The following VASH2 variants were observed in gnomAD, a reference collection of about 807,000 sequenced individuals.
The protein encoded by VASH2 is tubulinyl-Tyr carboxypeptidase 2.
VASH2 carries 28 observed loss-of-function variants against 37.2 expected under a neutral mutation model. The observed-to-expected ratio is 0.75, with a 90% CI of 0.56 to 1.03. The LOEUF (loss-of-function observed/expected upper bound fraction) is 1.03. VASH2 is among the 50% of genes least tolerant of loss of function. The pLI is 0.00. For missense variants in VASH2, 419 were observed against 459.1 expected, an observed-to-expected ratio of 0.91 and a Z score of 0.80; for synonymous variants, 188 against 174.7, an observed-to-expected ratio of 1.08 and a Z score of -0.60.
At chr1:212,963,605 C>T (rs912499631) in intron 3 of VASH2, among the ~76,000 whole-genome samples, 8 of 141,248 alleles carry the variant, frequency 5.7e-5, no homozygotes, top group Non-Finnish European at 1.2e-4. Flanking sequence ...AGAGAGGTGC[C>T]ATGTGAGCTC....
Position 212,990,204 on chromosome 1 carries a change from T to C in VASH2, c.*1620T>C, listed in dbSNP as rs2075844101. The C allele has an allele frequency of 2.6e-5, 4 of 152,240 alleles. No homozygotes were observed. In the South Asian group the frequency reaches 8.3e-4, roughly 31 times the overall value. 9.4% of individuals were successfully genotyped at this position (152,240 alleles called of 1,614,324 possible). A position where few individuals can be genotyped will look rare whatever the true frequency, so the allele number is the denominator to read the frequency against. On this transcript the variant is annotated 3_prime_UTR_variant, in exon 8 of 8. Coordinates refer to ENST00000517399, the MANE Select transcript of VASH2 (RefSeq NM_001301056.2). ...GAAAATCAGTATTATTAATGAAAAG[T>C]ACTGTTTTCTTAAAGAAGTCGAATG... is the stretch of plus-strand genomic sequence containing the variant.
intron 7 of VASH2, among the ~76,000 whole-genome samples, chr1:212,980,476 C>T (rs925614422): frequency 2.0e-5 from 3 of 152,160 alleles, no homozygotes; most frequent in Non-Finnish European, 2.9e-5. Context: ...TCACTGATCT[C>T]TGTGGCAGTT....
At chr1:212,967,511 G>T in intron 5 of VASH2, 1 of 1,068,488 alleles carries the variant, frequency 9.4e-7, no homozygotes, top group Non-Finnish European at 1.2e-6. Context: ...GTCCTTGAGC[G>T]CTGTGCTGAG....
intron 7 of VASH2, among the ~76,000 whole-genome samples, chr1:212,984,309 A>G (rs987641469): frequency 6.6e-6 from 1 of 152,170 alleles, no homozygotes; most frequent in African/African-American, 2.4e-5. Context: ...CTCCAAAGTG[A>G]GGAATTAAGG....
rs1212364259 is a variant in VASH2 at position 212,971,323 on chromosome 1, T to A, written c.498-1257T>A. Among the ~76,000 whole-genome samples the A allele has an allele frequency of 2.0e-5, 3 of 152,202 alleles. No individual in the cohort carries two copies. Among genetic ancestry groups the A allele is most frequent in the African/African-American group, 7.2e-5 (3 of 41,444 alleles). ...TTGGGTATGCACCCAGAAGTGGAAT[T>A]GCCAGGTCCTAGGGTAATCCTGTTG... On this transcript the variant is annotated intron_variant, in intron 5 of 7. Transcript: ENST00000517399. This position sits in a 1 kb window ranked among gnomAD's most constrained non-coding sequence, Gnocchi z 4.0.
At chr1:212,959,648 C>G (rs750885397) in intron 2 of VASH2, among the ~76,000 whole-genome samples, 1 of 152,192 alleles carries the variant, frequency 6.6e-6, no homozygotes, top group Non-Finnish European at 1.5e-5. Flanking sequence ...GGAAAGACCC[C>G]GATGCCCAGG....
intron 5 of VASH2, chr1:212,968,742 G>A (rs1666920864): frequency 2.3e-5 from 23 of 985,476 alleles, no homozygotes; most frequent in Non-Finnish European, 2.8e-5. Flanking sequence ...CAGCTGTTCA[G>A]CGAAGCCTCC....
intron 2 of VASH2, 63 bp from the exon 3 acceptor site, chr1:212,961,103 C>G: frequency 6.5e-7 from 1 of 1,534,244 alleles, no homozygotes; most frequent in Admixed American, 1.7e-5. Flanking sequence ...TCTGCCTGCC[C>G]CCAGAAGCTG....
At chr1:212,978,180 TG>T (rs1667234239) in intron 7 of VASH2, among the ~76,000 whole-genome samples, 1 of 152,200 alleles carries the variant, frequency 6.6e-6, no homozygotes, top group Non-Finnish European at 1.5e-5. Flanking sequence ...GGGGCCAGAC[TG>T]GGCCTCCGGT....
chr1:212,955,078 T>C (rs780213783), intron 2 of VASH2, among the ~76,000 whole-genome samples: 3 of 152,196 alleles, frequency 2.0e-5, no homozygotes, highest in Non-Finnish European at 4.4e-5. Flanking sequence ...GTCAAGTCCT[T>C]TTCTCCATCA....
chr1:212,981,762 T>G (rs575739833), intron 7 of VASH2, among the ~76,000 whole-genome samples: 17 of 152,294 alleles, frequency 1.1e-4, no homozygotes, highest in Non-Finnish European at 2.1e-4. Flanking sequence ...GAAGAGAGAC[T>G]GGGTGGTTGA....
intron 7 of VASH2, among the ~76,000 whole-genome samples, chr1:212,985,903 G>A (rs1025245853): frequency 3.3e-5 from 5 of 152,180 alleles, no homozygotes; most frequent in Non-Finnish European, 5.9e-5. Flanking sequence ...CCATGCGTGG[G>A]TACAGGGAGG....
Position 212,951,387 on chromosome 1 carries a change from C to T in VASH2, c.-156C>T. The T allele has an allele frequency of 3.8e-6, 1 of 265,958 alleles. No homozygotes were observed. The allele number at this position is 265,958 out of a possible 1,614,324, so 16.5% of individuals were successfully genotyped here. On this transcript the variant is annotated 5_prime_UTR_variant, in exon 2 of 8. Coordinates refer to ENST00000517399, the MANE Select transcript of VASH2 (RefSeq NM_001301056.2). The surrounding 1 kb of genome is among the most constrained non-coding windows in gnomAD (Gnocchi z 4.4). ...TCCGCGGAGCTCCCGCCGCCGCTCC[C>T]CCTTGGTGAGTCCTGCCGCAGCGAG... is the stretch of plus-strand genomic sequence containing the variant.
intron 5 of VASH2, chr1:212,969,307 C>T (rs1441385566): frequency 7.2e-6 from 4 of 553,448 alleles, no homozygotes; most frequent in Admixed American, 6.4e-5. Flanking sequence ...ATTCTCCTGC[C>T]TCAGCCTCCC....
intron 7 of VASH2, among the ~76,000 whole-genome samples, chr1:212,980,770 G>A (rs1667317092): frequency 1.3e-5 from 2 of 152,192 alleles, no homozygotes; most frequent in South Asian, 4.1e-4. Context: ...AATATCCCCA[G>A]TGAGAAAAGG....
chr1:212,970,446 C>A (rs1478845793), intron 5 of VASH2, among the ~76,000 whole-genome samples: 1 of 152,170 alleles, frequency 6.6e-6, no homozygotes, highest in African/African-American at 2.4e-5. Flanking sequence ...CTCTGTCCAC[C>A]CAGAGGTTGC....
chr1:212,960,964 C>T (rs1200355342), intron 2 of VASH2, among the ~76,000 whole-genome samples: 8 of 152,190 alleles, frequency 5.3e-5, no homozygotes, highest in Non-Finnish European at 8.8e-5. Flanking sequence ...AGAGGCAGAG[C>T]TTCAATGAGG....
At chr1:212,973,930 GA>G in intron 6 of VASH2, 24 bp from the exon 7 acceptor site, 1 of 1,610,342 alleles carries the variant, frequency 6.2e-7, no homozygotes. Flanking sequence ...GAACCAGGGT[GA>G]TTAACTCCTC....
At chr1:212,983,451 A>G (rs1187221006) in intron 7 of VASH2, among the ~76,000 whole-genome samples, 3 of 152,354 alleles carry the variant, frequency 2.0e-5, no homozygotes, top group Non-Finnish European at 4.4e-5. Context: ...CAAAGGGGCC[A>G]AAGTCATCCT....
Sources: allele counts gnomAD v4.1 joint callset (sites outside exome capture counted in the v4.1 genomes callset), GRCh38; gene constraint gnomAD v4.1.1; non-coding constraint Gnocchi (gnomAD v3.1); transcripts MANE v1.5; gene names NCBI Gene and HGNC (gene_info 2026-07-23, HGNC 2026-07-21).